MTHFS: variants seen among roughly 807,000 people sequenced by gnomAD.
MTHFS encodes the protein 5-formyltetrahydrofolate cyclo-ligase.
A neutral mutation model predicts 12.7 loss-of-function variants in MTHFS; 7 were observed. The observed-to-expected ratio is 0.55, with a 90% CI of 0.31 to 1.03. The LOEUF is 1.03. MTHFS is among the 50% of genes least tolerant of loss of function. MTHFS has a pLI of 0.05. For synonymous variants in MTHFS, 100 were observed against 97.1 expected, an observed-to-expected ratio of 1.03 and a Z score of -0.18; for missense variants, 252 against 258.1, an observed-to-expected ratio of 0.98 and a Z score of 0.16.
chr15:79,896,905 C>G lies in MTHFS; in HGVS notation c.84G>C (p.Glu28Asp). The G allele has an allele frequency of 6.5e-7, 1 of 1,542,716 alleles. No individual in the cohort carries two copies. The highest frequency in any genetic ancestry group is 8.7e-7 in the Non-Finnish European group (1 of 1,146,262). ...TCAGTACGCGGGACTGGCGTAGCCG[C>G]TCCTCGGCACTCATCGCCCGCAGAC... Reference protein sequence around the residue: ...KQRLRAMSAEERLRQSRVLSQ... With the variant: ...KQRLRAMSAEDRLRQSRVLSQ... The change falls in exon 1 of 3, where the codon GAG (glutamate) becomes GAC (aspartate). Residue 28 changes from glutamate (E) to aspartate (D), a missense_variant. By Grantham distance (45) the Glu-to-Asp change is conservative. Coordinates refer to ENST00000258874, the MANE Select transcript of MTHFS (RefSeq NM_006441.4).
intron 2 of MTHFS, among the ~76,000 whole-genome samples, chr15:79,851,987 G>C (rs1386593715): frequency 6.6e-6 from 1 of 152,136 alleles, no homozygotes; most frequent in Non-Finnish European, 1.5e-5. Context: ...GAATGGATAA[G>C]CATATTATGA....
chr15:79,847,850 C>T (rs2033647253), intron 2 of MTHFS, among the ~76,000 whole-genome samples: 1 of 152,018 alleles, frequency 6.6e-6, no homozygotes, highest in African/African-American at 2.4e-5. Context: ...AATAGAAAAC[C>T]ACAAATGTTG....
intron 2 of MTHFS, among the ~76,000 whole-genome samples, chr15:79,854,370 G>A (rs1017385547): frequency 6.6e-5 from 10 of 152,354 alleles, no homozygotes; most frequent in South Asian, 4.1e-4. Context: ...GCATAGCTGC[G>A]ATGAGAAGGC....
At chr15:79,893,590 T>C (rs1216862054) in intron 1 of MTHFS, among the ~76,000 whole-genome samples, 3 of 150,480 alleles carry the variant, frequency 2.0e-5, no homozygotes, top group Admixed American at 1.3e-4. Flanking sequence ...CCCAGCTACT[T>C]GTGAAGCTGA....
At chr15:79,892,408 G>A (rs1388927744) in intron 1 of MTHFS, among the ~76,000 whole-genome samples, 1 of 152,068 alleles carries the variant, frequency 6.6e-6, no homozygotes, top group African/African-American at 2.4e-5. Flanking sequence ...ACATATTCTT[G>A]ATTTGTCAAA....
chr15:79,858,192 T>C (rs1457099339), intron 2 of MTHFS, among the ~76,000 whole-genome samples: 1 of 152,166 alleles, frequency 6.6e-6, no homozygotes, highest in African/African-American at 2.4e-5. Context: ...AGAGATAAGT[T>C]ACTATTCATG....
intron 2 of MTHFS, 59 bp from the exon 3 acceptor site, chr15:79,845,501 ATG>A: frequency 6.4e-7 from 1 of 1,569,508 alleles, no homozygotes; most frequent in Non-Finnish European, 8.7e-7. Flanking sequence ...TCATTTCAGG[ATG>A]TGTTTTTTGT....
At chr15:79,850,170 AT>A (rs201349733) in intron 2 of MTHFS, among the ~76,000 whole-genome samples, 6 of 152,204 alleles carry the variant, frequency 3.9e-5, no homozygotes, top group African/African-American at 1.4e-4. Flanking sequence ...ATACCTTTCT[AT>A]TTTTTTAAAA....
intron 2 of MTHFS, among the ~76,000 whole-genome samples, chr15:79,866,262 T>C (rs2034009318): frequency 6.6e-6 from 1 of 152,172 alleles, no homozygotes; most frequent in Admixed American, 6.6e-5. Flanking sequence ...ACGGTTTCCT[T>C]CTTTCCTAAG....
intron 1 of MTHFS, among the ~76,000 whole-genome samples, chr15:79,892,731 T>C (rs764868848): frequency 1.3e-4 from 20 of 151,984 alleles, no homozygotes; most frequent in Non-Finnish European, 2.1e-4. Context: ...GGTGGGTGGA[T>C]CATGAGGTCA....
chr15:79,868,788 T>C (rs72734755), intron 2 of MTHFS, among the ~76,000 whole-genome samples: 1 of 152,334 alleles, frequency 6.6e-6, no homozygotes, highest in Non-Finnish European at 1.5e-5. Flanking sequence ...CCTGGGTCTC[T>C]AGCTTACAGA....
chr15:79,870,321 T>C (rs2034080916), intron 2 of MTHFS, among the ~76,000 whole-genome samples: 1 of 152,226 alleles, frequency 6.6e-6, no homozygotes, highest in African/African-American at 2.4e-5. Context: ...GTACCGTCTA[T>C]GGTTTCTTTC....
At chr15:79,887,293 A>G (rs78466926) in intron 2 of MTHFS, among the ~76,000 whole-genome samples, 4,319 of 152,324 alleles carry the variant, frequency 0.028, 245 homozygotes, top group African/African-American at 0.099. Flanking sequence ...ATCCTAACCA[A>G]GAAGTGTAAA....
At chr15:79,874,765 T>C in intron 2 of MTHFS, among the ~76,000 whole-genome samples, 1 of 152,124 alleles carries the variant, frequency 6.6e-6, no homozygotes, top group East Asian at 1.9e-4. Context: ...TGTTCCTTGC[T>C]GAAAAAAAGA....
chr15:79,889,259 A>C lies in MTHFS; in HGVS notation c.213T>G (p.Ile71Met). 6.2e-7 allele frequency: 1 copy of C among 1,614,188 alleles called. No homozygotes were observed. The highest frequency in any genetic ancestry group is 1.1e-5 in the South Asian group (1 of 91,080). The change falls in exon 2 of 3, where the codon ATT becomes ATG. Residue 71 changes from isoleucine (I) to methionine (M), a missense_variant. Ile to Met is a conservative substitution (Grantham distance 10). Coordinates refer to ENST00000258874, the MANE Select transcript of MTHFS (RefSeq NM_006441.4). Reference sequence around the variant, plus strand: ...TGAAGCAGATTTTGCCTCGTTGGAAAATGTCCTTGATGATCTCTTCTGTCT... The same window carrying C: ...TGAAGCAGATTTTGCCTCGTTGGAACATGTCCTTGATGATCTCTTCTGTCT... ...EIETEEIIKD[I>M]FQRGKICFIP...
At chr15:79,874,521 T>C (rs1298854707) in intron 2 of MTHFS, among the ~76,000 whole-genome samples, 2 of 152,136 alleles carry the variant, frequency 1.3e-5, no homozygotes, top group Non-Finnish European at 2.9e-5. Context: ...GGTCTTATCT[T>C]TACTTGATCT....
Position 79,868,808 on chromosome 15 carries a change from T to C in MTHFS, c.379+20285A>G, listed in dbSNP as rs2034055356. On this transcript the variant is annotated intron_variant, in intron 2 of 2. Coordinates refer to ENST00000258874, the MANE Select transcript of MTHFS (RefSeq NM_006441.4). ...GTCTCTAGCTTACAGACAGCAGACT[T>C]TGAGACTTCTAGGCCTCCACAATCA... is the stretch of plus-strand genomic sequence containing the variant. 2.0e-5 allele frequency among the ~76,000 whole-genome samples: 3 copies of C among 152,274 alleles called. No homozygotes were observed. In the South Asian group the frequency reaches 6.2e-4, roughly 32 times the overall value.
intron 2 of MTHFS, among the ~76,000 whole-genome samples, chr15:79,886,777 T>C (rs1269027954): frequency 2.6e-5 from 4 of 152,210 alleles, no homozygotes; most frequent in Non-Finnish European, 5.9e-5. Context: ...AGACCTAAAA[T>C]AGTGTCTGAC....
At chr15:79,887,316 G>A (rs1215656364) in intron 2 of MTHFS, among the ~76,000 whole-genome samples, 1 of 152,170 alleles carries the variant, frequency 6.6e-6, no homozygotes, top group African/African-American at 2.4e-5. Flanking sequence ...TAAGTTAAAA[G>A]GAAAAATAAT....
Sources: allele counts gnomAD v4.1 joint callset (sites outside exome capture counted in the v4.1 genomes callset), GRCh38; gene constraint gnomAD v4.1.1; transcripts MANE v1.5; gene names NCBI Gene and HGNC (gene_info 2026-07-23, HGNC 2026-07-21).